ZDHHC23: variants seen among roughly 807,000 people sequenced by gnomAD.
ZDHHC23 encodes the protein zDHHC palmitoyltransferase 23.
Under a neutral mutation model 40.2 loss-of-function variants are expected in ZDHHC23, and 41 were observed. The ratio of observed to expected loss-of-function variants is 1.02; its 90% CI spans 0.79 to 1.32. The LOEUF (loss-of-function observed/expected upper bound fraction) is 1.32. Ranked by LOEUF, ZDHHC23 falls within the 40% of genes most tolerant of loss-of-function variation. The probability of loss-of-function intolerance (pLI) is 0.00; values close to 1 mark genes in which losing one functional copy is unlikely to be tolerated. For missense variants in ZDHHC23, 471 were observed against 541.5 expected (o/e 0.87, Z 1.29); for synonymous variants, 204 against 210.2 (o/e 0.97, Z 0.26).
chr3:113,948,986 C>T (rs1461867860), intron 2 of ZDHHC23, 23 bp downstream of exon 2: 1 of 1,613,188 alleles, frequency 6.2e-7, no homozygotes, highest in Admixed American at 1.7e-5. Flanking sequence ...CATTTCTTGA[C>T]GCTGGCCCCA....
chr3:113,977,188 T>C, the ZDHHC23 span, among the ~76,000 whole-genome samples: 3 of 152,276 alleles, frequency 2.0e-5, no homozygotes, highest in Admixed American at 1.3e-4. Flanking sequence ...TCCTAGCTAC[T>C]TGGCGGGCTG....
In ZDHHC23 at chr3:113,958,977, C is replaced by T. The variant is rs1378575912; in HGVS notation, c.*347C>T. 2 of 1,172,634 alleles carry T rather than the reference C, an allele frequency of 1.7e-6. No homozygotes were observed. The highest frequency in any genetic ancestry group is 3.2e-5 in the African/African-American group (2 of 62,002). 72.6% of individuals were successfully genotyped at this position (1,172,634 alleles called of 1,614,324 possible). Reference sequence around the variant, plus strand: ...GTTGGATTAGGATAGTTTCTAGTCCCTCTTTCGATTCTTAATAGCCATGTG... The same window carrying T: ...GTTGGATTAGGATAGTTTCTAGTCCTTCTTTCGATTCTTAATAGCCATGTG... On this transcript the variant is annotated 3_prime_UTR_variant, in exon 5 of 5. Coordinates refer to ENST00000638807, the MANE Select transcript of ZDHHC23 (RefSeq NM_001320466.2).
the ZDHHC23 span, among the ~76,000 whole-genome samples, chr3:113,975,184 T>G: frequency 6.6e-6 from 1 of 152,188 alleles, no homozygotes; most frequent in South Asian, 2.1e-4. Flanking sequence ...ATCAGACATA[T>G]TATAAATACT....
At chr3:113,978,306 A>G in the ZDHHC23 span, 1 of 1,614,020 alleles carries the variant, frequency 6.2e-7, no homozygotes, top group South Asian at 1.1e-5. Context: ...AAATTTTCTT[A>G]CTTCTTCCTG....
At chr3:113,951,421 C>A (rs1338873863) in intron 2 of ZDHHC23, among the ~76,000 whole-genome samples, 1 of 152,230 alleles carries the variant, frequency 6.6e-6, no homozygotes, top group Non-Finnish European at 1.5e-5. Flanking sequence ...GTGGATGCCA[C>A]CAAGATTTAC....
At chr3:113,949,083 A>T (rs1374281158) in intron 2 of ZDHHC23, 120 bp downstream of exon 2, 1 of 1,328,798 alleles carries the variant, frequency 7.5e-7, no homozygotes, top group East Asian at 2.4e-5. Context: ...CCAAGCATCT[A>T]AAATGAGAGT....
At chr3:113,970,836 C>T in the ZDHHC23 span, among the ~76,000 whole-genome samples, 1,419 of 151,964 alleles carry the variant, frequency 9.3e-3, 10 homozygotes, top group Non-Finnish European at 0.015. Context: ...TTTGTCCTTG[C>T]GATAGTTTGC....
intron 2 of ZDHHC23, among the ~76,000 whole-genome samples, chr3:113,950,876 T>C (rs918076804): frequency 3.9e-5 from 6 of 152,238 alleles, no homozygotes; most frequent in African/African-American, 1.2e-4. Context: ...AGAATAGACA[T>C]TCCCATTCCA....
rs1432603178 is a variant in ZDHHC23 at position 113,962,858 on chromosome 3, A to C, written c.*4228A>C. The C allele has an allele frequency of 6.6e-6, 1 of 152,196 alleles. No homozygotes were observed. The highest frequency in any genetic ancestry group is 2.4e-5 in the African/African-American group (1 of 41,442). 9.4% of individuals were successfully genotyped at this position (152,196 alleles called of 1,614,324 possible). On this transcript the variant is annotated 3_prime_UTR_variant, in exon 5 of 5. Transcript: ENST00000638807. ...TATATACTTGTATTCATATCCTCTTATCACCTCAGACTCAGACACAAGGCC... is the reference window on the plus strand; with the variant it reads ...TATATACTTGTATTCATATCCTCTTCTCACCTCAGACTCAGACACAAGGCC...
chr3:113,948,776 T>A lies in ZDHHC23; in HGVS notation c.-27T>A. The A allele has an allele frequency of 1.2e-6, 2 of 1,613,842 alleles. No individual in the cohort carries two copies. Among genetic ancestry groups the A allele is most frequent in the Non-Finnish European group, 1.7e-6 (2 of 1,179,926 alleles). The stretch of plus-strand genomic sequence containing the variant: ...CCACCTTTACCTTCTGAGGGCTTCT[T>A]ACGCCTCATGGTGACAGGTGCAAAT... On this transcript the variant is annotated 5_prime_UTR_variant, in exon 2 of 5. Coordinates refer to ENST00000638807, the MANE Select transcript of ZDHHC23 (RefSeq NM_001320466.2).
rs373168883 is a variant in ZDHHC23 at position 113,954,177 on chromosome 3, G to A, written c.639G>A (p.Leu213=). Residue 213 remains leucine (L), a synonymous_variant, in exon 3 of 5, where the codon CTG becomes CTA. Coordinates refer to ENST00000638807, the MANE Select transcript of ZDHHC23 (RefSeq NM_001320466.2). ...RSLSSSQLEC[L]SRKGQEKTKG... is the part of the protein sequence containing the mutation. ...TAAGCAGCAGCCAGCTGGAGTGCCT[G>A]AGCAGAAAAGGGCAGGAGAAGACCA... The A allele has an allele frequency of 2.8e-5, 45 of 1,614,100 alleles. 1 individual carries two copies. In the East Asian group the frequency reaches 2.9e-4, roughly 10 times the overall value.
rs758077464 is a variant in ZDHHC23 at position 113,956,399 on chromosome 3, C to G, written c.933C>G (p.Phe311Leu). 6.8e-6 allele frequency: 11 copies of G among 1,614,094 alleles called. No homozygotes were observed. In the African/African-American group the frequency reaches 1.3e-4, roughly 20 times the overall value. Residue 311 changes from phenylalanine to leucine, a missense_variant, in exon 4 of 5, where the codon TTC becomes TTG. Phe to Leu is a conservative substitution (Grantham distance 22). Coordinates refer to ENST00000638807, the MANE Select transcript of ZDHHC23 (RefSeq NM_001320466.2). The part of the protein sequence containing the change: ...HQAFILALLI[F>L]LLTSVYGITL... ...CATTTATACTTGCCCTTTTGATCTTCTTGCTCACCTCGGTGTATGGGATCA... is the reference window on the plus strand; with the variant it reads ...CATTTATACTTGCCCTTTTGATCTTGTTGCTCACCTCGGTGTATGGGATCA...
chr3:113,978,058 C>T, the ZDHHC23 span: 1 of 994,770 alleles, frequency 1.0e-6, no homozygotes, highest in African/African-American at 1.6e-5. Flanking sequence ...GGGACTCCCA[C>T]CCCTGACTGG....
the ZDHHC23 span, among the ~76,000 whole-genome samples, chr3:113,975,187 TA>T: frequency 6.6e-6 from 1 of 152,220 alleles, no homozygotes; most frequent in Non-Finnish European, 1.5e-5. Flanking sequence ...AGACATATTA[TA>T]AATACTGATC....
chr3:113,950,411 C>T (rs1938550203), intron 2 of ZDHHC23, among the ~76,000 whole-genome samples: 1 of 152,092 alleles, frequency 6.6e-6, no homozygotes, highest in South Asian at 2.1e-4. Context: ...CCCTTTTCCT[C>T]ATAGATGACA....
In ZDHHC23 at chr3:113,961,314, T is replaced by TAA. The variant is rs146518194; in HGVS notation, c.*2685_*2686insAA. On this transcript the variant is annotated 3_prime_UTR_variant, in exon 5 of 5. Transcript: ENST00000638807. ...AATTACCTACTATCATCTGGCCACT[T>TAA]AGATTATTATCACACCACTGTGGAC... is the stretch of plus-strand genomic sequence containing the variant. 0.13 allele frequency: 19,116 copies of TAA among 152,416 alleles called. 1,638 individuals are homozygous for TAA. The highest frequency in any genetic ancestry group is 0.23 in the African/African-American group (9,690 of 41,476). The allele number at this position is 152,416 out of a possible 1,614,324, so 9.4% of individuals were successfully genotyped here.
downstream of ZDHHC23, chr3:113,965,144 A>T (rs1939983764): frequency 1.3e-6 from 2 of 1,567,238 alleles, no homozygotes; most frequent in East Asian, 4.5e-5. Context: ...TAAATATTAC[A>T]CTAATCTGGC....
At chr3:113,969,346 A>G (rs1251010544), downstream of ZDHHC23, among the ~76,000 whole-genome samples, 2 of 152,132 alleles carry the variant, frequency 1.3e-5, no homozygotes, top group Non-Finnish European at 2.9e-5. Flanking sequence ...GAAACTTTTT[A>G]GCTTGATGTA....
the ZDHHC23 span, chr3:113,978,161 A>G: frequency 2.5e-6 from 4 of 1,612,620 alleles, no homozygotes; most frequent in African/African-American, 1.3e-5. Context: ...CAGAGAGTGA[A>G]TTTTCCTCAC....
Sources: allele counts gnomAD v4.1 joint callset (sites outside exome capture counted in the v4.1 genomes callset), GRCh38; gene constraint gnomAD v4.1.1; transcripts MANE v1.5; gene names NCBI Gene and HGNC (gene_info 2026-07-23, HGNC 2026-07-21).